NBAS: variants seen among roughly 807,000 people sequenced by gnomAD.
The protein encoded by NBAS is NBAS subunit of NRZ tethering complex, also known as NAG/BC035112 fusion.
A neutral mutation model predicts 302.5 loss-of-function variants in NBAS; 219 were observed. That is an observed-to-expected ratio of 0.72 (90% confidence interval 0.65 to 0.81). The LOEUF (loss-of-function observed/expected upper bound fraction) is 0.81. Ranked by LOEUF, NBAS falls within the 30% of genes least tolerant of loss-of-function variation. NBAS has a pLI of 0.00. For synonymous variants in NBAS, 1,118 were observed against 1,021.6 expected (o/e 1.09, Z -1.80); for missense variants, 2,932 against 2,841.6 (o/e 1.03, Z -0.72).
In NBAS at chr2:15,553,448, G is replaced by C. The variant is rs1265269701; in HGVS notation, c.313C>G (p.Gln105Glu). ...TACCTGATTTCCACACACTGATCTT[G>C]AACAGCAGCCAAAAGCTTTCCATTG... Reference protein sequence around the residue: ...ASNGKLLAAVQDQCVEIRSAK... With the variant: ...ASNGKLLAAVEDQCVEIRSAK... The change falls in exon 5 of 52, where the codon CAA becomes GAA. Residue 105 changes from glutamine (Q) to glutamate (E), a missense_variant. Gln to Glu is a conservative substitution (Grantham distance 29, BLOSUM62 2). Transcript: ENST00000281513. 6.2e-7 allele frequency: 1 copy of C among 1,611,524 alleles called. No homozygotes were observed. Among genetic ancestry groups the C allele is most frequent in the South Asian group, 1.1e-5 (1 of 91,014 alleles).
At chr2:15,133,591 G>A in the NBAS span, among the ~76,000 whole-genome samples, 24 of 152,184 alleles carry the variant, frequency 1.6e-4, no homozygotes, top group African/African-American at 5.8e-4. Context: ...ACCAATGAAG[G>A]TGGTTGATGC....
intron 35 of NBAS, among the ~76,000 whole-genome samples, chr2:15,339,648 A>G (rs188859494): frequency 6.6e-6 from 1 of 152,328 alleles, no homozygotes; most frequent in African/African-American, 2.4e-5. Context: ...CATGTCAGAA[A>G]AGCATGTCAG....
chr2:14,781,746 C>A, the NBAS span, among the ~76,000 whole-genome samples: 284 of 135,722 alleles, frequency 2.1e-3, no homozygotes, highest in Middle Eastern at 4.0e-3. Context: ...GCTATTGTGA[C>A]AAAAAAAAAA....
At chr2:15,124,707 G>A in the NBAS span, among the ~76,000 whole-genome samples, 11 of 152,208 alleles carry the variant, frequency 7.2e-5, no homozygotes, top group African/African-American at 2.2e-4. Flanking sequence ...CAGCTCAAAG[G>A]GCCCCAGGTA....
At chr2:15,450,546 C>T (rs1678957045) in intron 21 of NBAS, among the ~76,000 whole-genome samples, 1 of 152,080 alleles carries the variant, frequency 6.6e-6, no homozygotes, top group African/African-American at 2.4e-5. Flanking sequence ...AAAGTTGTAT[C>T]TAACCTGTCT....
the NBAS span, among the ~76,000 whole-genome samples, chr2:15,045,695 G>A: frequency 6.6e-6 from 1 of 152,164 alleles, no homozygotes; most frequent in African/African-American, 2.4e-5. Context: ...ATATCTCTAT[G>A]AGGTGCTGAT....
chr2:15,404,113 C>A (rs1195858435), intron 25 of NBAS, among the ~76,000 whole-genome samples: 1 of 152,036 alleles, frequency 6.6e-6, no homozygotes, highest in African/African-American at 2.4e-5. Context: ...ATCGTCATAA[C>A]AATCCTATAA....
intron 30 of NBAS, among the ~76,000 whole-genome samples, chr2:15,376,001 T>C (rs1279323517): frequency 6.6e-6 from 1 of 152,086 alleles, no homozygotes; most frequent in Non-Finnish European, 1.5e-5. Context: ...TTTAATCAAA[T>C]GTTTTGGAAG....
the NBAS span, among the ~76,000 whole-genome samples, chr2:14,999,294 CA>C: frequency 6.6e-6 from 1 of 152,102 alleles, no homozygotes; most frequent in African/African-American, 2.4e-5. Context: ...AGTCCATTTA[CA>C]AACCTAACCT....
the NBAS span, among the ~76,000 whole-genome samples, chr2:14,985,572 G>A: frequency 1.3e-5 from 2 of 152,216 alleles, no homozygotes; most frequent in Admixed American, 1.3e-4. Context: ...TTTCCTCTGA[G>A]TCCCCAAGAT....
chr2:15,455,638 T>C (rs1433786739), intron 21 of NBAS, among the ~76,000 whole-genome samples: 2 of 151,830 alleles, frequency 1.3e-5, no homozygotes, highest in African/African-American at 2.4e-5. Flanking sequence ...CAGCGGTTGA[T>C]ATACCTTAAC....
the NBAS span, among the ~76,000 whole-genome samples, chr2:14,968,199 G>A: frequency 2.3e-3 from 351 of 152,252 alleles, no homozygotes; most frequent in African/African-American, 8.2e-3. Context: ...TTTTGGGTAA[G>A]GGGGCCCCAT....
At chr2:15,119,971 C>G in the NBAS span, among the ~76,000 whole-genome samples, 1 of 152,160 alleles carries the variant, frequency 6.6e-6, no homozygotes, top group Admixed American at 6.5e-5. Context: ...GTCTGTGTCT[C>G]CCAAGCCCAC....
the NBAS span, among the ~76,000 whole-genome samples, chr2:14,805,176 A>C: frequency 0.4 from 60,756 of 152,038 alleles, 12,687 homozygotes; most frequent in African/African-American, 0.51. Flanking sequence ...GCTAGCAGAG[A>C]TGCATCCCAG....
chr2:15,284,207 T>C (rs1379686938), intron 42 of NBAS, among the ~76,000 whole-genome samples: 4 of 150,892 alleles, frequency 2.7e-5, no homozygotes, highest in Admixed American at 2.0e-4. Context: ...TATGTGTTCA[T>C]GAGAATTATC....
chr2:15,500,631 G>T (rs887987791), intron 11 of NBAS, among the ~76,000 whole-genome samples: 6 of 135,438 alleles, frequency 4.4e-5, no homozygotes, highest in East Asian at 2.0e-4. Context: ...AGAAAAAAAG[G>T]CTTTTGAAAA....
At chr2:15,014,240 G>T in the NBAS span, among the ~76,000 whole-genome samples, 3 of 152,024 alleles carry the variant, frequency 2.0e-5, no homozygotes, top group Non-Finnish European at 4.4e-5. Context: ...ATGTTATCTG[G>T]ACAGAAAATC....
chr2:15,367,655 T>C (rs1047966829), intron 31 of NBAS, among the ~76,000 whole-genome samples: 8 of 152,194 alleles, frequency 5.3e-5, no homozygotes, highest in African/African-American at 1.9e-4. Context: ...GAATCCTTTA[T>C]CCTTTCCTAA....
At chr2:15,439,773 A>G (rs983957796) in intron 21 of NBAS, among the ~76,000 whole-genome samples, 10 of 152,200 alleles carry the variant, frequency 6.6e-5, no homozygotes, top group Non-Finnish European at 1.5e-4. Context: ...GGTGACAGAC[A>G]GCACCTGGAA....
Sources: gnomAD v4.1 joint callset for allele counts (sites outside exome capture counted in the v4.1 genomes callset) on GRCh38, gnomAD v4.1.1 for gene constraint, MANE v1.5 for transcripts, NCBI Gene and HGNC (gene_info 2026-07-23, HGNC 2026-07-21) for gene names.